The following DAPK1 variants were observed in gnomAD, a reference collection of about 807,000 sequenced individuals.
The protein encoded by DAPK1 is death-associated protein kinase 1.
Under a neutral mutation model 144.9 loss-of-function variants are expected in DAPK1, and 56 were observed. That is an observed-to-expected ratio of 0.39 (90% confidence interval 0.31 to 0.48). The LOEUF is 0.48. Among genes scored for constraint, DAPK1 ranks in the 20% least tolerant of loss-of-function variants. DAPK1 has a pLI of 0.95. For missense variants in DAPK1, 1,454 were observed against 1,875.4 expected (o/e 0.78, Z 4.15); for synonymous variants, 690 against 749.0 (o/e 0.92, Z 1.29).
chr9:87,700,099 C>T lies in DAPK1; in HGVS notation c.2751-18C>T. The T allele has an allele frequency of 6.2e-7, 1 of 1,607,818 alleles. No homozygotes were observed. The highest frequency in any genetic ancestry group is 1.1e-5 in the South Asian group (1 of 90,942). ...GGACATTGACTCACTGCTGAGGAGG[C>T]TGCTGCTCTTCCCTTAGGTTTGGAA... On this transcript the variant is annotated intron_variant, in intron 23 of 25. Coordinates refer to ENST00000408954, the MANE Select transcript of DAPK1 (RefSeq NM_004938.4).
chr9:87,636,096 G>C (rs1829885622), intron 3 of DAPK1, among the ~76,000 whole-genome samples: 1 of 152,234 alleles, frequency 6.6e-6, no homozygotes, highest in Admixed American at 6.5e-5. Flanking sequence ...TGTGGGGGCT[G>C]TGAGGCCAAG....
At chr9:87,634,210 G>T (rs1829807135) in intron 3 of DAPK1, among the ~76,000 whole-genome samples, 1 of 152,214 alleles carries the variant, frequency 6.6e-6, no homozygotes, top group Admixed American at 6.5e-5. Context: ...TGCAAGGCTG[G>T]CAAAGCCTAA....
At chr9:87,646,267 T>G (rs1198778158) in intron 12 of DAPK1, among the ~76,000 whole-genome samples, 194 bp from the exon 13 acceptor site, 3 of 152,210 alleles carry the variant, frequency 2.0e-5, no homozygotes, top group African/African-American at 7.2e-5. Context: ...CTAATGAAAA[T>G]GTCCCTGATG....
intron 18 of DAPK1, among the ~76,000 whole-genome samples, chr9:87,661,644 T>A (rs1230865225): frequency 6.6e-6 from 1 of 152,242 alleles, no homozygotes; most frequent in Non-Finnish European, 1.5e-5. Context: ...CTTCATGTCC[T>A]TAGCCCACTT....
chr9:87,680,778 G>T (rs531591533), intron 19 of DAPK1, among the ~76,000 whole-genome samples: 1 of 152,260 alleles, frequency 6.6e-6, no homozygotes, highest in Non-Finnish European at 1.5e-5. Context: ...GCCAGGGGCT[G>T]AGCAAAGAGG....
At chr9:87,514,597 C>T (rs1824975596) in intron 2 of DAPK1, among the ~76,000 whole-genome samples, 1 of 152,142 alleles carries the variant, frequency 6.6e-6, no homozygotes, top group African/African-American at 2.4e-5. Flanking sequence ...AGAACCAGCC[C>T]CAAATTGAAC....
At chr9:87,665,130 C>T (rs770669323) in intron 18 of DAPK1, among the ~76,000 whole-genome samples, 45 of 147,016 alleles carry the variant, frequency 3.1e-4, no homozygotes, top group South Asian at 6.8e-4. Context: ...CCCCTCATCT[C>T]CCCTGCCCCA....
chr9:87,579,091 G>A (rs533824434), intron 2 of DAPK1, among the ~76,000 whole-genome samples: 1 of 152,192 alleles, frequency 6.6e-6, no homozygotes, highest in South Asian at 2.1e-4. Context: ...AATTATTCAG[G>A]CTCACCGAAG....
At chr9:87,624,318 CCA>C (rs1395888487) in intron 3 of DAPK1, among the ~76,000 whole-genome samples, 2 of 152,176 alleles carry the variant, frequency 1.3e-5, no homozygotes, top group African/African-American at 4.8e-5. Flanking sequence ...GCTGTTGGTT[CCA>C]CTCCACCTGT....
chr9:87,552,860 G>A (rs144232713), intron 2 of DAPK1, among the ~76,000 whole-genome samples: 2 of 151,794 alleles, frequency 1.3e-5, no homozygotes, highest in African/African-American at 4.8e-5. Flanking sequence ...ACAGCTTCCC[G>A]AAGTGTCAGG....
intron 21 of DAPK1, among the ~76,000 whole-genome samples, chr9:87,687,774 T>G (rs1328386167): frequency 6.6e-6 from 1 of 151,470 alleles, no homozygotes; most frequent in African/African-American, 2.4e-5. Context: ...ATATAAGAAT[T>G]CTCTTTTCTC....
rs796401677 is a variant in DAPK1, at chr9:87,640,442, G to A, written c.774G>A (p.Lys258=). The A allele has an allele frequency of 8.1e-6, 13 of 1,613,894 alleles. No individual in the cohort carries two copies. The African/African-American group carries it at 1.6e-4, about 20-fold the overall frequency. ...ATTTCATAAGAAGACTTCTGGTCAA[G>A]GATCCAAAGTGAGTGTCCACGTTCC... ...AKDFIRRLLV[K]DPKKRMTIQD... is the part of the protein sequence containing the mutation. Residue 258 remains lysine, a synonymous_variant, in exon 8 of 26, where the codon AAG becomes AAA. Coordinates refer to ENST00000408954, the MANE Select transcript of DAPK1 (RefSeq NM_004938.4).
intron 2 of DAPK1, among the ~76,000 whole-genome samples, chr9:87,552,432 C>T (rs563335654): frequency 6.6e-6 from 1 of 152,250 alleles, no homozygotes; most frequent in South Asian, 2.1e-4. Context: ...TATGGAAGAA[C>T]CTAATGTACA....
intron 2 of DAPK1, among the ~76,000 whole-genome samples, chr9:87,559,884 A>T (rs574874586): frequency 6.6e-6 from 1 of 151,744 alleles, no homozygotes; most frequent in African/African-American, 2.4e-5. Flanking sequence ...CCCATTCTTC[A>T]TGCCCCCTAT....
intron 2 of DAPK1, among the ~76,000 whole-genome samples, chr9:87,550,956 AGGG>A (rs1354570953): frequency 2.0e-5 from 3 of 152,190 alleles, no homozygotes; most frequent in Admixed American, 6.5e-5. Context: ...GACCCCGGGG[AGGG>A]GGCTAACCTG....
chr9:87,641,852 A>G, intron 9 of DAPK1, 117 bp from the exon 10 acceptor site: 1 of 751,880 alleles, frequency 1.3e-6, no homozygotes, highest in Non-Finnish European at 2.2e-6. Context: ...TTCTTATGCT[A>G]ATTTAATAAG....
chr9:87,497,891 C>T lies in DAPK1; in HGVS notation c.-325C>T, dbSNP rs1436749985. On this transcript the variant is annotated 5_prime_UTR_variant, in exon 1 of 26. Transcript: ENST00000408954. ...TGCTTCGGAGTGTGAGGAGGACAGC[C>T]GGACCGAGCCAACGCCGGGGACTTT... 2.5e-6 allele frequency: 1 copy of T among 394,310 alleles called. No individual in the cohort carries two copies. Among genetic ancestry groups the T allele is most frequent in the Non-Finnish European group, 4.5e-6 (1 of 223,856 alleles). 24.4% of individuals were successfully genotyped at this position (394,310 alleles called of 1,614,324 possible). A position where few individuals can be genotyped will look rare whatever the true frequency, so the allele number is the denominator to read the frequency against.
intron 2 of DAPK1, among the ~76,000 whole-genome samples, chr9:87,553,069 G>A (rs1463332274): frequency 2.0e-5 from 3 of 152,058 alleles, no homozygotes; most frequent in Non-Finnish European, 4.4e-5. Flanking sequence ...CTAGCCCCTG[G>A]CAATTACCTT....
chr9:87,549,632 C>A (rs1826397219), intron 2 of DAPK1, among the ~76,000 whole-genome samples: 1 of 152,248 alleles, frequency 6.6e-6, no homozygotes, highest in African/African-American at 2.4e-5. Context: ...CTTCTCATCA[C>A]AAAGAGTACA....
Sources: gnomAD v4.1 joint callset for allele counts (sites outside exome capture counted in the v4.1 genomes callset) on GRCh38, gnomAD v4.1.1 for gene constraint, MANE v1.5 for transcripts, NCBI Gene and HGNC (gene_info 2026-07-23, HGNC 2026-07-21) for gene names.